CSMD3: variants seen among roughly 807,000 people sequenced by gnomAD.
The protein encoded by CSMD3 is CUB and Sushi multiple domains 3.
CSMD3 carries 177 observed loss-of-function variants against 435.2 expected under a neutral mutation model. The observed-to-expected ratio is 0.41, with a 90% CI of 0.36 to 0.46. The LOEUF is 0.46. Among genes scored for constraint, CSMD3 ranks in the 20% least tolerant of loss-of-function variants. CSMD3 has a pLI of 0.34. For missense variants in CSMD3, 4,265 were observed against 4,504.6 expected (o/e 0.95, Z 1.52); for synonymous variants, 1,656 against 1,520.5 (o/e 1.09, Z -2.07).
chr8:112,574,519 A>T (rs1829787679), intron 23 of CSMD3, among the ~76,000 whole-genome samples: 1 of 152,018 alleles, frequency 6.6e-6, no homozygotes, highest in Non-Finnish European at 1.5e-5. Context: ...GATATGAAAT[A>T]TGGGACATGT....
At chr8:112,460,657 TA>T (rs1817357917) in intron 32 of CSMD3, among the ~76,000 whole-genome samples, 2 of 152,226 alleles carry the variant, frequency 1.3e-5, no homozygotes, top group African/African-American at 4.8e-5. Context: ...TCTGTTACAA[TA>T]AAATAAATAT....
chr8:112,300,244 T>C (rs1314701318), intron 53 of CSMD3, among the ~76,000 whole-genome samples: 1 of 146,982 alleles, frequency 6.8e-6, no homozygotes, highest in Non-Finnish European at 1.5e-5. Context: ...ACATGTAATA[T>C]ATAATTTAAA....
chr8:112,667,653 C>T (rs1331100925), intron 16 of CSMD3, among the ~76,000 whole-genome samples: 1 of 152,060 alleles, frequency 6.6e-6, no homozygotes, highest in African/African-American at 2.4e-5. Context: ...TCAGAACTCC[C>T]CTCCACTCTG....
At chr8:113,317,193 A>G (rs2093916894) in intron 1 of CSMD3, among the ~76,000 whole-genome samples, 1 of 152,220 alleles carries the variant, frequency 6.6e-6, no homozygotes, top group Admixed American at 6.5e-5. Context: ...AAATAAATAA[A>G]TAAATAAAAG....
At chr8:112,862,149 C>T (rs1055895464) in intron 10 of CSMD3, among the ~76,000 whole-genome samples, 1 of 151,956 alleles carries the variant, frequency 6.6e-6, no homozygotes, top group Non-Finnish European at 1.5e-5. Flanking sequence ...CGGCAAGTAA[C>T]AATCACCTGT....
chr8:113,183,554 A>G (rs1156916379), intron 3 of CSMD3, among the ~76,000 whole-genome samples: 3 of 151,922 alleles, frequency 2.0e-5, no homozygotes, highest in African/African-American at 7.2e-5. Flanking sequence ...CCATCCTTAG[A>G]CTAAGAAACT....
At chr8:113,404,745 C>A (rs987649300) in intron 1 of CSMD3, among the ~76,000 whole-genome samples, 1 of 151,104 alleles carries the variant, frequency 6.6e-6, no homozygotes, top group Non-Finnish European at 1.5e-5. Context: ...TATGGCATAA[C>A]CATTTTAAGG....
At chr8:112,467,699 G>T (rs987201752) in intron 32 of CSMD3, among the ~76,000 whole-genome samples, 1 of 152,186 alleles carries the variant, frequency 6.6e-6, no homozygotes, top group Non-Finnish European at 1.5e-5. Context: ...CCAATAGGTG[G>T]TGTCATTATA....
At chr8:112,262,102 T>C (rs1816464057) in intron 61 of CSMD3, among the ~76,000 whole-genome samples, 2 of 152,104 alleles carry the variant, frequency 1.3e-5, no homozygotes, top group African/African-American at 4.8e-5. Context: ...AAACCTGAGG[T>C]CATTTAGATA....
intron 38 of CSMD3, among the ~76,000 whole-genome samples, chr8:112,374,883 A>T (rs905222258): frequency 6.6e-6 from 1 of 152,194 alleles, no homozygotes; most frequent in Non-Finnish European, 1.5e-5. Flanking sequence ...GAATCTAGAT[A>T]GCTAACGACT....
rs943199138 is a variant in CSMD3 at position 112,470,834 on chromosome 8, C to T, written c.5395+1757G>A. Reference sequence around the variant, plus strand: ...TAACTTAAAATGAAGAATGATGCAACATTTGTAAAATAAAATTAGTTTTTT... The same window carrying T: ...TAACTTAAAATGAAGAATGATGCAATATTTGTAAAATAAAATTAGTTTTTT... On this transcript the variant is annotated intron_variant, in intron 32 of 70. Coordinates refer to ENST00000297405, the MANE Select transcript of CSMD3 (RefSeq NM_198123.2). 2.6e-5 allele frequency among the ~76,000 whole-genome samples: 4 copies of T among 151,738 alleles called. No individual in the cohort carries two copies. In the East Asian group the frequency reaches 5.8e-4, roughly 22 times the overall value.
At chr8:113,335,808 T>C (rs887576549) in intron 1 of CSMD3, among the ~76,000 whole-genome samples, 1 of 152,026 alleles carries the variant, frequency 6.6e-6, no homozygotes, top group South Asian at 2.1e-4. Flanking sequence ...CTGTATCTTT[T>C]ATCCTTTTCA....
At chr8:112,435,592 C>A (rs1814237717) in intron 32 of CSMD3, among the ~76,000 whole-genome samples, 2 of 151,996 alleles carry the variant, frequency 1.3e-5, no homozygotes, top group African/African-American at 2.4e-5. Context: ...GACCCAGGCT[C>A]TGGAAACTAA....
At position 112,504,312 on chromosome 8, in the gene CSMD3, T is replaced by G. The variant is rs182493614; in HGVS notation, c.4896-335A>C. On this transcript the variant is annotated intron_variant, in intron 29 of 70. Transcript: ENST00000297405. ...TCAGAGAATGCAAGTTCAAGCCTTG[T>G]TTCTGCCCTTATTAGTGACATATTC... is the stretch of plus-strand genomic sequence containing the variant. Among the ~76,000 whole-genome samples the G allele has an allele frequency of 5.3e-3, 812 of 152,248 alleles. 5 individuals carry two copies. The highest frequency in any genetic ancestry group is 8.9e-3 in the Non-Finnish European group (604 of 67,986).
At chr8:112,385,084 A>T (rs1829814099) in intron 36 of CSMD3, among the ~76,000 whole-genome samples, 1 of 152,218 alleles carries the variant, frequency 6.6e-6, no homozygotes. Flanking sequence ...GGGTATTTAC[A>T]TAAGAATAAA....
intron 1 of CSMD3, among the ~76,000 whole-genome samples, chr8:113,332,944 A>C (rs2094039504): frequency 6.6e-6 from 1 of 151,770 alleles, no homozygotes; most frequent in Non-Finnish European, 1.5e-5. Context: ...AGATTAATTG[A>C]ATAAAATTGA....
chr8:113,159,166 C>A (rs1457136237), intron 4 of CSMD3, among the ~76,000 whole-genome samples: 1 of 151,740 alleles, frequency 6.6e-6, no homozygotes, highest in African/African-American at 2.4e-5. Flanking sequence ...GACTTCTCTA[C>A]CTTTTTGAAG....
At chr8:112,686,615 T>C (rs2076018010) in intron 14 of CSMD3, among the ~76,000 whole-genome samples, 1 of 150,994 alleles carries the variant, frequency 6.6e-6, no homozygotes, top group African/African-American at 2.4e-5. Flanking sequence ...GCTTCCGGAG[T>C]AGCTGGGAAT....
chr8:112,846,390 T>G (rs2129644353), intron 11 of CSMD3, among the ~76,000 whole-genome samples: 1 of 150,440 alleles, frequency 6.6e-6, no homozygotes, highest in Non-Finnish European at 1.5e-5. Flanking sequence ...TCCTTTTTTC[T>G]TTCCCTTTAT....
Sources: allele counts gnomAD v4.1 joint callset (sites outside exome capture counted in the v4.1 genomes callset), GRCh38; gene constraint gnomAD v4.1.1; transcripts MANE v1.5; gene names NCBI Gene and HGNC (gene_info 2026-07-23, HGNC 2026-07-21).